L3MBTL4: variants seen among roughly 807,000 people sequenced by gnomAD.
L3MBTL4 encodes lethal(3)malignant brain tumor-like protein 4.
A neutral mutation model predicts 84.5 loss-of-function variants in L3MBTL4; 70 were observed. The ratio of observed to expected loss-of-function variants is 0.83; its 90% CI spans 0.68 to 1.01. The LOEUF is 1.01. Ranked by LOEUF, L3MBTL4 falls within the 50% of genes least tolerant of loss-of-function variation. The pLI, the probability that L3MBTL4 is intolerant of heterozygous loss-of-function variation, is 0.00. For missense variants in L3MBTL4, 715 were observed against 754.8 expected (o/e 0.95, Z 0.62); for synonymous variants, 274 against 259.8 (o/e 1.05, Z -0.52).
intron 12 of L3MBTL4, among the ~76,000 whole-genome samples, chr18:6,183,405 G>T (rs149266420): frequency 2.6e-5 from 4 of 152,170 alleles, no homozygotes; most frequent in Non-Finnish European, 5.9e-5. Flanking sequence ...CCGACGCTGC[G>T]CCTTCACTGC....
chr18:6,361,862 T>A (rs2053709105), intron 1 of L3MBTL4, among the ~76,000 whole-genome samples: 2 of 151,862 alleles, frequency 1.3e-5, no homozygotes, highest in African/African-American at 4.8e-5. Context: ...GTGGTTGCAG[T>A]CCCAGCACTT....
chr18:6,035,552 C>T (rs959985754), intron 16 of L3MBTL4, among the ~76,000 whole-genome samples: 2 of 152,116 alleles, frequency 1.3e-5, no homozygotes, highest in African/African-American at 4.8e-5. Flanking sequence ...GTTACTGTAG[C>T]CTTGTAGTAT....
chr18:6,050,507 G>C (rs2056800148), intron 16 of L3MBTL4, among the ~76,000 whole-genome samples: 1 of 152,144 alleles, frequency 6.6e-6, no homozygotes, highest in African/African-American at 2.4e-5. Flanking sequence ...TTTATAAATG[G>C]TTATACCCTC....
chr18:6,402,986 A>C (rs1212723090), intron 1 of L3MBTL4, among the ~76,000 whole-genome samples: 1 of 152,190 alleles, frequency 6.6e-6, no homozygotes, highest in Admixed American at 6.5e-5. Context: ...GTAGGAAAGA[A>C]GGGGGAAGTA....
intron 13 of L3MBTL4, among the ~76,000 whole-genome samples, chr18:6,157,525 T>G (rs2144936194): frequency 6.6e-6 from 1 of 152,112 alleles, no homozygotes; most frequent in East Asian, 1.9e-4. Flanking sequence ...TTTATCTCAC[T>G]CATCAGGATA....
intron 16 of L3MBTL4, among the ~76,000 whole-genome samples, chr18:6,022,377 C>T (rs912945794): frequency 7.2e-5 from 11 of 152,168 alleles, no homozygotes; most frequent in African/African-American, 2.4e-4. Flanking sequence ...CCTCTGACCA[C>T]GTGCCTTATC....
chr18:5,962,890 G>A (rs77175915), intron 17 of L3MBTL4, among the ~76,000 whole-genome samples: 2,675 of 152,262 alleles, frequency 0.018, 42 homozygotes, highest in East Asian at 0.029. Flanking sequence ...TGGGTGGGGT[G>A]GGATGTTTAA....
At chr18:6,122,905 G>GA (rs2059574282) in intron 14 of L3MBTL4, among the ~76,000 whole-genome samples, 1 of 152,124 alleles carries the variant, frequency 6.6e-6, no homozygotes, top group Admixed American at 6.5e-5. Context: ...TTATTTCTTA[G>GA]AAAAAATAAT....
At chr18:6,078,264 T>G (rs2057930651) in intron 16 of L3MBTL4, among the ~76,000 whole-genome samples, 1 of 151,444 alleles carries the variant, frequency 6.6e-6, no homozygotes, top group South Asian at 2.1e-4. Flanking sequence ...CCATCTCTGC[T>G]AAACTACAAA....
At chr18:6,290,513 T>C (rs2049809803) in intron 4 of L3MBTL4, among the ~76,000 whole-genome samples, 2 of 149,596 alleles carry the variant, frequency 1.3e-5, no homozygotes, top group South Asian at 4.2e-4. Flanking sequence ...GTGAACTGAC[T>C]GGAATTCTTT....
intron 16 of L3MBTL4, among the ~76,000 whole-genome samples, chr18:6,008,649 G>T (rs2054595309): frequency 6.6e-6 from 1 of 152,166 alleles, no homozygotes; most frequent in Non-Finnish European, 1.5e-5. Flanking sequence ...GCCTCCTGAA[G>T]GCCCCACTTC....
chr18:6,316,265 T>A (rs1298126498), intron 1 of L3MBTL4, among the ~76,000 whole-genome samples: 1 of 152,140 alleles, frequency 6.6e-6, no homozygotes, highest in Non-Finnish European at 1.5e-5. Flanking sequence ...GGCAGCCCTA[T>A]GGGGTGGCTA....
chr18:5,957,458 A>G (rs545599159), intron 18 of L3MBTL4, among the ~76,000 whole-genome samples: 36 of 152,068 alleles, frequency 2.4e-4, no homozygotes, highest in Non-Finnish European at 4.4e-4. Flanking sequence ...GGCAGTGGCC[A>G]CCGTGTAGGC....
At chr18:6,102,407 CT>C (rs1248527472) in intron 14 of L3MBTL4, among the ~76,000 whole-genome samples, 1 of 152,212 alleles carries the variant, frequency 6.6e-6, no homozygotes, top group Non-Finnish European at 1.5e-5. Context: ...TTGTTCCTCT[CT>C]TTCCAGTCCC....
chr18:6,203,609 G>T (rs2045742115), intron 12 of L3MBTL4, among the ~76,000 whole-genome samples: 1 of 152,170 alleles, frequency 6.6e-6, no homozygotes, highest in Admixed American at 6.5e-5. Flanking sequence ...TTAACGTGGA[G>T]AAAGGTATTA....
chr18:6,065,331 C>T (rs1198643956), intron 16 of L3MBTL4, among the ~76,000 whole-genome samples: 1 of 151,642 alleles, frequency 6.6e-6, no homozygotes, highest in Non-Finnish European at 1.5e-5. Flanking sequence ...TATGTCCTTT[C>T]CTGGTTTCGG....
chr18:6,239,588 A>AC, intron 9 of L3MBTL4, 130 bp downstream of exon 9: 1 of 825,060 alleles, frequency 1.2e-6, no homozygotes, highest in Non-Finnish European at 1.9e-6. Flanking sequence ...GGTAATGAAC[A>AC]GTCAACCACC....
At position 6,408,785 on chromosome 18, in the gene L3MBTL4, G is replaced by A. The variant is rs185110871; in HGVS notation, c.-91+6016C>T. Among the ~76,000 whole-genome samples the A allele has an allele frequency of 6.3e-3, 956 of 151,710 alleles. 14 individuals are homozygous for A. The highest frequency in any genetic ancestry group is 0.021 in the African/African-American group (863 of 41,344). On this transcript the variant is annotated intron_variant, in intron 1 of 18. Transcript: ENST00000317931. ...CAACCCCCACCTCCCGGGTTGAAGC[G>A]ATTCTCCTGCCTCAGCCTCCTGAGT... is the stretch of plus-strand genomic sequence containing the variant.
chr18:6,370,474 C>T (rs996122524), intron 1 of L3MBTL4, among the ~76,000 whole-genome samples: 1 of 152,174 alleles, frequency 6.6e-6, no homozygotes, highest in Non-Finnish European at 1.5e-5. Flanking sequence ...ACCAGCCGCC[C>T]GTCTATGAGC....
Sources: allele counts gnomAD v4.1 joint callset (sites outside exome capture counted in the v4.1 genomes callset), GRCh38; gene constraint gnomAD v4.1.1; transcripts MANE v1.5; gene names NCBI Gene and HGNC (gene_info 2026-07-23, HGNC 2026-07-21).